Variants in LPP observed in about 807,000 individuals in gnomAD.
The protein encoded by LPP is lipoma-preferred partner.
In LPP, 38 loss-of-function variants were observed where a neutral mutation model predicts 60.4. That is an observed-to-expected ratio of 0.63 (90% confidence interval 0.49 to 0.83). The LOEUF is 0.83. Among genes scored for constraint, LPP ranks in the 40% least tolerant of loss-of-function variants. LPP has a pLI of 0.00. For synonymous variants in LPP, 328 were observed against 290.8 expected, an observed-to-expected ratio of 1.13 and a Z score of -1.30; for missense variants, 902 against 783.6, an observed-to-expected ratio of 1.15 and a Z score of -1.80.
At chr3:188,368,381 A>G (rs1228879031) in intron 3 of LPP, among the ~76,000 whole-genome samples, 3 of 11,990 alleles carry the variant, frequency 2.5e-4, no homozygotes, top group African/African-American at 7.7e-4. Context: ...CTTGACCATC[A>G]TGGCTTTTTT....
At position 188,623,358 on chromosome 3, in the gene LPP, G is replaced by A. The variant is rs561063215; in HGVS notation, c.1113+13514G>A. Among the ~76,000 whole-genome samples the A allele has an allele frequency of 4.0e-5, 6 of 151,216 alleles. No homozygotes were observed. The South Asian group carries it at 1.3e-3, about 32-fold the overall frequency. The stretch of plus-strand genomic sequence containing the variant: ...CTTCAACCTCCGCCTCCCAGGTTCA[G>A]GTGATTCTCCCGCCTCAGCCTCCAG... On this transcript the variant is annotated intron_variant, in intron 7 of 11. Coordinates refer to ENST00000617246, the MANE Select transcript of LPP (RefSeq NM_001375462.1).
At chr3:188,336,500 G>A (rs543013919) in intron 2 of LPP, among the ~76,000 whole-genome samples, 2 of 152,298 alleles carry the variant, frequency 1.3e-5, no homozygotes, top group African/African-American at 4.8e-5. Flanking sequence ...TGGCAACTTG[G>A]ATCTCAGGGG....
At chr3:188,333,261 T>C (rs1760655191) in intron 2 of LPP, among the ~76,000 whole-genome samples, 1 of 152,148 alleles carries the variant, frequency 6.6e-6, no homozygotes, top group Non-Finnish European at 1.5e-5. Context: ...GTAATTATAT[T>C]TGGAGAATTT....
intron 1 of LPP, among the ~76,000 whole-genome samples, chr3:188,167,065 A>G (rs13098017): frequency 0.64 from 96,858 of 152,088 alleles, 31,181 homozygotes; most frequent in East Asian, 0.8. Flanking sequence ...AGCTCTGCTA[A>G]TTGTTAGCCA....
At chr3:188,768,323 A>T (rs1431500083) in intron 9 of LPP, among the ~76,000 whole-genome samples, 1 of 152,170 alleles carries the variant, frequency 6.6e-6, no homozygotes, top group African/African-American at 2.4e-5. Flanking sequence ...CCCAATAATA[A>T]TACCTAACCT....
intron 2 of LPP, among the ~76,000 whole-genome samples, chr3:188,341,375 A>T (rs144733033): frequency 5.3e-5 from 8 of 152,316 alleles, no homozygotes; most frequent in Non-Finnish European, 1.2e-4. Context: ...TAAAATGTGG[A>T]CAATAATATT....
At chr3:188,493,127 CT>C (rs760252472) in intron 5 of LPP, among the ~76,000 whole-genome samples, 4 of 151,994 alleles carry the variant, frequency 2.6e-5, no homozygotes, top group African/African-American at 4.8e-5. Flanking sequence ...GATGTATTTC[CT>C]GAGTCTTTGT....
intron 3 of LPP, among the ~76,000 whole-genome samples, chr3:188,356,209 T>C (rs1334554925): frequency 6.6e-6 from 1 of 152,180 alleles, no homozygotes; most frequent in Non-Finnish European, 1.5e-5. Flanking sequence ...TCCCAACTTC[T>C]TTTTCCTACT....
chr3:188,641,373 T>C (rs1241860264), intron 7 of LPP, among the ~76,000 whole-genome samples: 1 of 152,130 alleles, frequency 6.6e-6, no homozygotes, highest in African/African-American at 2.4e-5. Flanking sequence ...CCTCTGAAAA[T>C]TTTTATACGA....
In LPP at chr3:188,609,028, G is replaced by T; in HGVS notation, c.430-133G>T. Reference sequence around the variant, plus strand: ...GTGAACACTTTGAAGGCAAGATTATGCCTTATTTGTGTTCTACATAGTAAT... The same window carrying T: ...GTGAACACTTTGAAGGCAAGATTATTCCTTATTTGTGTTCTACATAGTAAT... On this transcript the variant is annotated intron_variant, in intron 6 of 11. Transcript: ENST00000617246. This position sits in a 1 kb window ranked among gnomAD's most constrained non-coding sequence, Gnocchi z 6.9. 1.4e-6 allele frequency: 1 copy of T among 712,228 alleles called. No individual in the cohort carries two copies. The highest frequency in any genetic ancestry group is 2.3e-6 in the Non-Finnish European group (1 of 438,088). 44.1% of individuals were successfully genotyped at this position (712,228 alleles called of 1,614,324 possible). A position where few individuals can be genotyped will look rare whatever the true frequency, so the allele number is the denominator to read the frequency against.
intron 9 of LPP, among the ~76,000 whole-genome samples, chr3:188,809,855 G>A (rs530084742): frequency 6.6e-6 from 1 of 152,076 alleles, no homozygotes; most frequent in Non-Finnish European, 1.5e-5. Context: ...ATTAATTTTT[G>A]TGTAAGATGT....
chr3:188,488,212 T>G (rs1807184068), intron 5 of LPP, among the ~76,000 whole-genome samples: 1 of 152,170 alleles, frequency 6.6e-6, no homozygotes, highest in South Asian at 2.1e-4. Context: ...TGAGATTCAT[T>G]GCAGAGGGTT....
At chr3:188,178,310 G>C (rs774905686) in intron 1 of LPP, among the ~76,000 whole-genome samples, 8 of 152,210 alleles carry the variant, frequency 5.3e-5, no homozygotes, top group Non-Finnish European at 1.0e-4. Flanking sequence ...TTTCTGTCTG[G>C]AAGTCCTAGT....
At chr3:188,835,206 C>G (rs1027343584) in intron 9 of LPP, among the ~76,000 whole-genome samples, 2 of 151,712 alleles carry the variant, frequency 1.3e-5, no homozygotes, top group African/African-American at 4.9e-5. Context: ...CTCCTGTAAT[C>G]CTAGCATTTT....
At chr3:188,784,237 C>G (rs1000889210) in intron 9 of LPP, among the ~76,000 whole-genome samples, 1 of 151,004 alleles carries the variant, frequency 6.6e-6, no homozygotes, top group Non-Finnish European at 1.5e-5. Context: ...ATCCAGGTCA[C>G]TGTGAATGCC....
intron 4 of LPP, among the ~76,000 whole-genome samples, chr3:188,465,262 G>A (rs947311920): frequency 6.6e-6 from 1 of 152,094 alleles, no homozygotes; most frequent in African/African-American, 2.4e-5. Flanking sequence ...TTCATCTATT[G>A]GCACCCAGGA....
chr3:188,506,790 T>G (rs1813597240), intron 5 of LPP, among the ~76,000 whole-genome samples: 1 of 152,188 alleles, frequency 6.6e-6, no homozygotes, highest in South Asian at 2.1e-4. Flanking sequence ...CCATAACCTT[T>G]ATTTTCATTT....
At chr3:188,439,767 G>T (rs1202339059) in intron 4 of LPP, among the ~76,000 whole-genome samples, 1 of 152,180 alleles carries the variant, frequency 6.6e-6, no homozygotes, top group Non-Finnish European at 1.5e-5. Flanking sequence ...CATGGTAGCT[G>T]CCCTTGGGAA....
intron 2 of LPP, among the ~76,000 whole-genome samples, chr3:188,253,198 A>G (rs1397534926): frequency 6.8e-6 from 1 of 147,976 alleles, no homozygotes; most frequent in Admixed American, 6.8e-5. Context: ...CAATTTGTTT[A>G]TCTTTTGACT....
Sources: gnomAD v4.1 joint callset for allele counts (sites outside exome capture counted in the v4.1 genomes callset) on GRCh38, gnomAD v4.1.1 for gene constraint, Gnocchi (gnomAD v3.1) non-coding constraint, MANE v1.5 for transcripts, NCBI Gene and HGNC (gene_info 2026-07-23, HGNC 2026-07-21) for gene names.